The following DOCK4 variants were observed in gnomAD, a reference collection of about 807,000 sequenced individuals.
The protein encoded by DOCK4 is dedicator of cytokinesis 4.
A neutral mutation model predicts 268.1 loss-of-function variants in DOCK4; 97 were observed. The ratio of observed to expected loss-of-function variants is 0.36; its 90% CI spans 0.31 to 0.43. The LOEUF (loss-of-function observed/expected upper bound fraction) is 0.43, where lower values mean the gene tolerates loss of function less well. Ranked by LOEUF, DOCK4 falls within the 20% of genes least tolerant of loss-of-function variation. The pLI is 1.00. For synonymous variants in DOCK4, 954 were observed against 887.2 expected (o/e 1.08, Z -1.34); for missense variants, 2,145 against 2,455.7 (o/e 0.87, Z 2.67).
At chr7:112,156,988 C>G (rs912700753) in intron 1 of DOCK4, among the ~76,000 whole-genome samples, 10 of 142,520 alleles carry the variant, frequency 7.0e-5, no homozygotes, top group African/African-American at 2.4e-4. Context: ...AGTTAACATA[C>G]GTGAAAAAAA....
intron 26 of DOCK4, among the ~76,000 whole-genome samples, chr7:111,823,275 C>T (rs994298559): frequency 2.1e-5 from 3 of 142,538 alleles, no homozygotes; most frequent in African/African-American, 5.6e-5. Flanking sequence ...GGCGTGATCT[C>T]GGCTCACTGC....
intron 1 of DOCK4, among the ~76,000 whole-genome samples, chr7:112,060,390 A>C (rs561820701): frequency 6.6e-6 from 1 of 152,318 alleles, no homozygotes; most frequent in South Asian, 2.1e-4. Flanking sequence ...AATGGTATAA[A>C]GTTCTCTAAA....
chr7:111,792,630 G>A (rs553460554), intron 30 of DOCK4, among the ~76,000 whole-genome samples: 21 of 152,172 alleles, frequency 1.4e-4, no homozygotes, highest in Non-Finnish European at 2.8e-4. Context: ...TGATCCACCC[G>A]CCTCAGCCTC....
intron 13 of DOCK4, among the ~76,000 whole-genome samples, chr7:111,906,926 C>T (rs941082659): frequency 1.3e-5 from 2 of 152,194 alleles, no homozygotes; most frequent in Non-Finnish European, 2.9e-5. Context: ...CTCTGACCTC[C>T]AGAACTGTAA....
At chr7:111,902,762 T>TTCTTTTC (rs2134429185) in intron 13 of DOCK4, among the ~76,000 whole-genome samples, 1 of 150,888 alleles carries the variant, frequency 6.6e-6, no homozygotes, top group South Asian at 2.1e-4. Flanking sequence ...GTTTTCTTTT[T>TTCTTTTC]TCTTTTCTTT....
At chr7:111,854,387 G>A (rs1586179921) in intron 23 of DOCK4, among the ~76,000 whole-genome samples, 1 of 152,164 alleles carries the variant, frequency 6.6e-6, no homozygotes, top group Non-Finnish European at 1.5e-5. Context: ...AATCGATCAC[G>A]ACCCTCTCAC....
chr7:111,906,687 G>A (rs1174607492), intron 13 of DOCK4, among the ~76,000 whole-genome samples: 1 of 152,062 alleles, frequency 6.6e-6, no homozygotes, highest in African/African-American at 2.4e-5. Flanking sequence ...TATCAGGGTG[G>A]GTCCAATATA....
At chr7:112,121,081 T>C (rs1028046023) in intron 1 of DOCK4, among the ~76,000 whole-genome samples, 2 of 152,168 alleles carry the variant, frequency 1.3e-5, no homozygotes, top group Non-Finnish European at 2.9e-5. Context: ...TCTGAGTACC[T>C]ACTATATGCC....
In DOCK4 at chr7:112,018,143, CAAAAAAAAAAAAAAAAAAAAAAAA is replaced by C. The variant is rs140883588; in HGVS notation, c.38-14036_38-14013del. 3.4e-4 allele frequency among the ~76,000 whole-genome samples: 7 copies of C among 20,640 alleles called. No individual in the cohort carries two copies. The South Asian group carries it at 0.013, about 39-fold the overall frequency. 13.5% of individuals were successfully genotyped at this position (20,640 alleles called of 152,430 possible). On this transcript the variant is annotated intron_variant, in intron 1 of 52. Coordinates refer to ENST00000428084, the MANE Select transcript of DOCK4 (RefSeq NM_001363540.2). Reference sequence around the variant, plus strand: ...TGGGCAACACAGCAAGACTCCAGCTCAAAAAAAAAAAAAAAAAAAAAAAAAAAAAAAAAAAAACACAGGCAACCA... The same window carrying C: ...TGGGCAACACAGCAAGACTCCAGCTCAAAAAAAAAAAAACACAGGCAACCA...
chr7:112,201,739 G>A (rs1285442949), intron 1 of DOCK4, among the ~76,000 whole-genome samples: 1 of 152,034 alleles, frequency 6.6e-6, no homozygotes, highest in Non-Finnish European at 1.5e-5. Flanking sequence ...GTGAGTATGC[G>A]ATCAAGAATG....
chr7:112,001,509 T>C (rs969768221), intron 2 of DOCK4, among the ~76,000 whole-genome samples: 1 of 152,046 alleles, frequency 6.6e-6, no homozygotes, highest in Non-Finnish European at 1.5e-5. Flanking sequence ...TACTTAATCA[T>C]GGCTCCAAGG....
chr7:111,962,758 G>T (rs542445594), intron 8 of DOCK4, among the ~76,000 whole-genome samples: 1 of 152,318 alleles, frequency 6.6e-6, no homozygotes, highest in South Asian at 2.1e-4. Context: ...ATATGGAAAT[G>T]AAGTATTTCA....
At chr7:111,956,640 C>T (rs1309263105) in intron 8 of DOCK4, among the ~76,000 whole-genome samples, 3 of 152,138 alleles carry the variant, frequency 2.0e-5, no homozygotes, top group South Asian at 2.1e-4. Context: ...ATTTACTGAG[C>T]GTGAGATGAA....
In DOCK4 at chr7:111,982,708, C is replaced by T. The variant is rs549775999; in HGVS notation, c.549+1598G>A. ...AGTCTTTTCATGATACCATAATGATCTCCAAAGCATTGACTGGGTGCTTAC... is the reference window on the plus strand; with the variant it reads ...AGTCTTTTCATGATACCATAATGATTTCCAAAGCATTGACTGGGTGCTTAC... On this transcript the variant is annotated intron_variant, in intron 7 of 52. Transcript: ENST00000428084. Among the ~76,000 whole-genome samples, 6 of 152,294 alleles carry T rather than the reference C, an allele frequency of 3.9e-5. No homozygotes were observed. The South Asian group carries it at 1.2e-3, about 32-fold the overall frequency.
chr7:111,822,283 T>G, intron 27 of DOCK4, 79 bp downstream of exon 27: 1 of 1,249,030 alleles, frequency 8.0e-7, no homozygotes. Context: ...AAACTTGAGA[T>G]CAAATGAAAA....
chr7:112,178,688 C>T (rs574091581), intron 1 of DOCK4, among the ~76,000 whole-genome samples: 12 of 152,152 alleles, frequency 7.9e-5, no homozygotes, highest in Non-Finnish European at 1.6e-4. Context: ...TTTCTGATAG[C>T]AGCTAGTCAC....
intron 1 of DOCK4, among the ~76,000 whole-genome samples, chr7:112,118,728 GA>G (rs1035215018): frequency 3.9e-5 from 6 of 152,100 alleles, no homozygotes; most frequent in African/African-American, 1.2e-4. Flanking sequence ...ATCTATGAAT[GA>G]AACAAGCCAG....
intron 1 of DOCK4, among the ~76,000 whole-genome samples, chr7:112,012,157 T>C (rs533220134): frequency 8.5e-5 from 13 of 152,274 alleles, no homozygotes; most frequent in African/African-American, 2.9e-4. Context: ...GGAAGCTAGA[T>C]CTGAATCTGC....
intron 1 of DOCK4, among the ~76,000 whole-genome samples, chr7:112,161,727 A>G (rs1199001412): frequency 1.3e-5 from 2 of 152,224 alleles, no homozygotes; most frequent in Non-Finnish European, 2.9e-5. Flanking sequence ...GCTCTGGTAC[A>G]GTCTCTCTGG....
Sources: gnomAD v4.1 joint callset for allele counts (sites outside exome capture counted in the v4.1 genomes callset) on GRCh38, gnomAD v4.1.1 for gene constraint, MANE v1.5 for transcripts, NCBI Gene and HGNC (gene_info 2026-07-23, HGNC 2026-07-21) for gene names.